The following ULK4 variants were observed in gnomAD, a reference collection of about 807,000 sequenced individuals.
The protein encoded by ULK4 is inactive serine/threonine-protein kinase ULK4.
In ULK4, 133 loss-of-function variants were observed where a neutral mutation model predicts 160.6. The observed-to-expected ratio is 0.83, with a 90% confidence interval of 0.72 to 0.96. The LOEUF (loss-of-function observed/expected upper bound fraction) is 0.96, where lower values mean the gene tolerates loss of function less well. ULK4 is among the 40% of genes least tolerant of loss of function. ULK4 has a pLI of 0.00. For missense variants in ULK4, 1,580 were observed against 1,499.5 expected (o/e 1.05, Z -0.89); for synonymous variants, 534 against 539.8 (o/e 0.99, Z 0.15).
intron 34 of ULK4, among the ~76,000 whole-genome samples, chr3:41,408,541 C>T (rs748378996): frequency 3.3e-5 from 5 of 151,726 alleles, no homozygotes; most frequent in African/African-American, 9.7e-5. Context: ...CACTCAAAAT[C>T]GATCTATAGA....
At position 41,916,031 on chromosome 3, in the gene ULK4, G is replaced by C. The variant is rs777003609; in HGVS notation, c.749C>G (p.Ser250Cys). Residue 250 changes from serine to cysteine, a missense_variant, in exon 8 of 37, where the codon TCT (serine) becomes TGT (cysteine). By Grantham distance (112) the Ser-to-Cys change is moderately radical. Coordinates refer to ENST00000301831, the MANE Select transcript of ULK4 (RefSeq NM_017886.4). ...ATCAAGCAAATTAATAAAATCTGAA[G>C]AAGCTTTAGGACGAGAAGAATCTAT... ...IPKDSSRPKA[S>C]SDFINLLDGL... is the part of the protein sequence containing the mutation. 1 of 1,591,510 alleles carries C rather than the reference G, an allele frequency of 6.3e-7. No homozygotes were observed. The highest frequency in any genetic ancestry group is 2.3e-5 in the East Asian group (1 of 44,298).
intron 22 of ULK4, among the ~76,000 whole-genome samples, chr3:41,747,505 A>G (rs1490898980): frequency 6.7e-6 from 1 of 150,138 alleles, no homozygotes; most frequent in Non-Finnish European, 1.5e-5. Context: ...GTAGTTAGGA[A>G]TTAAAACTTG....
chr3:41,669,439 G>A (rs538637423), intron 29 of ULK4, among the ~76,000 whole-genome samples: 3 of 152,024 alleles, frequency 2.0e-5, no homozygotes, highest in South Asian at 4.2e-4. Context: ...TTTATTTCTT[G>A]TAGAGACAAG....
At chr3:41,945,657 C>T (rs759909304) in intron 2 of ULK4, among the ~76,000 whole-genome samples, 22 of 152,304 alleles carry the variant, frequency 1.4e-4, no homozygotes, top group Non-Finnish European at 2.8e-4. Flanking sequence ...TTCCATCCCT[C>T]CAGAAAGCAC....
intron 21 of ULK4, among the ~76,000 whole-genome samples, chr3:41,761,535 A>T (rs895250202): frequency 6.6e-6 from 1 of 151,714 alleles, no homozygotes; most frequent in African/African-American, 2.4e-5. Flanking sequence ...AAGCAATAAA[A>T]TATTTTATCA....
intron 32 of ULK4, among the ~76,000 whole-genome samples, chr3:41,560,807 A>C (rs1050789364): frequency 2.0e-5 from 3 of 152,240 alleles, no homozygotes; most frequent in East Asian, 1.9e-4. Flanking sequence ...TGTCATCCGC[A>C]AACAGGGACA....
intron 35 of ULK4, among the ~76,000 whole-genome samples, chr3:41,391,970 C>A (rs554296943): frequency 3.9e-5 from 6 of 152,064 alleles, no homozygotes; most frequent in Non-Finnish European, 8.8e-5. Context: ...TATTTTTCTG[C>A]TTTCAGAGAG....
intron 22 of ULK4, among the ~76,000 whole-genome samples, chr3:41,737,112 G>A (rs369312260): frequency 6.6e-6 from 1 of 151,900 alleles, no homozygotes; most frequent in African/African-American, 2.4e-5. Context: ...AGTATAGTTT[G>A]AAGTCAGGTA....
At chr3:41,267,436 C>T (rs2079061319) in intron 35 of ULK4, among the ~76,000 whole-genome samples, 1 of 152,142 alleles carries the variant, frequency 6.6e-6, no homozygotes, top group African/African-American at 2.4e-5. Flanking sequence ...GGGTTGGTTC[C>T]ATGACTTTGC....
chr3:41,929,981 A>G (rs777274984), intron 5 of ULK4, among the ~76,000 whole-genome samples: 6 of 152,198 alleles, frequency 3.9e-5, no homozygotes, highest in African/African-American at 9.6e-5. Flanking sequence ...GAATTGGAAA[A>G]AACTACTTTA....
At chr3:41,484,540 C>T (rs937618429) in intron 32 of ULK4, among the ~76,000 whole-genome samples, 1 of 150,028 alleles carries the variant, frequency 6.7e-6, no homozygotes, top group African/African-American at 2.5e-5. Flanking sequence ...GCAAGCTCCG[C>T]CTCCCGGGTT....
At chr3:41,602,281 GAAAGGAAAGGAAAGGAAAGGAA>G (rs1329183834) in intron 31 of ULK4, among the ~76,000 whole-genome samples, 3 of 110,738 alleles carry the variant, frequency 2.7e-5, no homozygotes, top group African/African-American at 1.3e-4. Flanking sequence ...GAAAGGAAAG[GAAAGGAAAGGAAAGGAAAGGAA>G]AGGAAAGGAA....
rs1309595154 is a variant in ULK4, at chr3:41,747,092, T to C, written c.2321+7269A>G. On this transcript the variant is annotated intron_variant, in intron 22 of 36. Coordinates refer to ENST00000301831, the MANE Select transcript of ULK4 (RefSeq NM_017886.4). The stretch of plus-strand genomic sequence containing the variant: ...AACATGGGAGAAAATCTTTGGGATC[T>C]AGACAGAGTTCTTAGTCTTGACATC... Among the ~76,000 whole-genome samples the C allele has an allele frequency of 2.0e-5, 3 of 151,962 alleles. 1 individual carries two copies. Among genetic ancestry groups the C allele is most frequent in the African/African-American group, 7.3e-5 (3 of 41,238 alleles).
At chr3:41,492,439 G>A (rs1319624696) in intron 32 of ULK4, among the ~76,000 whole-genome samples, 9 of 151,466 alleles carry the variant, frequency 5.9e-5, no homozygotes, top group African/African-American at 2.2e-4. Context: ...ACTAAACATG[G>A]AAAGGAACAA....
chr3:41,314,860 T>C (rs1443065572), intron 35 of ULK4, among the ~76,000 whole-genome samples: 1 of 152,104 alleles, frequency 6.6e-6, no homozygotes, highest in Non-Finnish European at 1.5e-5. Context: ...GGAGATTATA[T>C]ATGGGTCTTT....
chr3:41,260,590 T>C (rs1392745077), intron 35 of ULK4, among the ~76,000 whole-genome samples: 3 of 152,182 alleles, frequency 2.0e-5, no homozygotes, highest in African/African-American at 4.8e-5. Flanking sequence ...AAGCGGGGGA[T>C]CATCTGAAAG....
At chr3:41,770,633 C>G (rs1397975018) in intron 21 of ULK4, among the ~76,000 whole-genome samples, 1 of 151,930 alleles carries the variant, frequency 6.6e-6, no homozygotes, top group Non-Finnish European at 1.5e-5. Flanking sequence ...GCCTCACCCT[C>G]CCAAGTAGCT....
chr3:41,439,500 T>C (rs1487752424), intron 34 of ULK4, among the ~76,000 whole-genome samples: 1 of 152,176 alleles, frequency 6.6e-6, no homozygotes, highest in African/African-American at 2.4e-5. Flanking sequence ...AAATGACTTA[T>C]TTTTAACAGC....
intron 31 of ULK4, among the ~76,000 whole-genome samples, chr3:41,580,388 T>A (rs537263136): frequency 1.5e-4 from 23 of 151,622 alleles, no homozygotes; most frequent in African/African-American, 4.4e-4. Context: ...TTTTTTTTTT[T>A]TAAAAAAACC....
Sources: allele counts gnomAD v4.1 joint callset (sites outside exome capture counted in the v4.1 genomes callset), GRCh38; gene constraint gnomAD v4.1.1; transcripts MANE v1.5; gene names NCBI Gene and HGNC (gene_info 2026-07-23, HGNC 2026-07-21).